SPON1: variants seen among roughly 807,000 people sequenced by gnomAD.
The protein encoded by SPON1 is spondin-1.
Under a neutral mutation model 111.7 loss-of-function variants are expected in SPON1, and 52 were observed. The observed-to-expected ratio is 0.47, with a 90% CI of 0.37 to 0.59. The LOEUF (loss-of-function observed/expected upper bound fraction) is 0.59. Ranked by LOEUF, SPON1 falls within the 20% of genes least tolerant of loss-of-function variation. The probability of loss-of-function intolerance (pLI) is 0.00; values close to 1 mark genes in which losing one functional copy is unlikely to be tolerated. For synonymous variants in SPON1, 410 were observed against 395.8 expected, an observed-to-expected ratio of 1.04 and a Z score of -0.43; for missense variants, 957 against 1,068.5, an observed-to-expected ratio of 0.90 and a Z score of 1.46.
intron 2 of SPON1, among the ~76,000 whole-genome samples, chr11:14,001,230 T>G (rs889961913): frequency 6.6e-6 from 1 of 152,188 alleles, no homozygotes; most frequent in Non-Finnish European, 1.5e-5. Context: ...AGCTACAGGC[T>G]GAGTGTAGAC....
At chr11:14,234,292 C>A (rs946695157) in intron 6 of SPON1, among the ~76,000 whole-genome samples, 27 of 152,266 alleles carry the variant, frequency 1.8e-4, no homozygotes, top group African/African-American at 5.8e-4. Flanking sequence ...CTGCTGTGGC[C>A]CCCTTTTCCC....
chr11:14,182,832 A>C (rs1437905107), intron 6 of SPON1, among the ~76,000 whole-genome samples: 1 of 152,192 alleles, frequency 6.6e-6, no homozygotes, highest in Non-Finnish European at 1.5e-5. Context: ...GCCATGAAGG[A>C]TGTTGTTTCA....
At chr11:14,213,021 G>C (rs1848591106) in intron 6 of SPON1, among the ~76,000 whole-genome samples, 1 of 152,194 alleles carries the variant, frequency 6.6e-6, no homozygotes, top group Non-Finnish European at 1.5e-5. Context: ...GCTTGGGAGA[G>C]ACTCTTTTAA....
intron 1 of SPON1, among the ~76,000 whole-genome samples, chr11:13,963,769 T>C (rs969228948): frequency 6.6e-5 from 10 of 152,136 alleles, no homozygotes; most frequent in African/African-American, 2.2e-4. Flanking sequence ...AATTATTCTC[T>C]CGTGGTCCCA....
chr11:14,108,504 G>A (rs1336310820), intron 5 of SPON1, among the ~76,000 whole-genome samples: 1 of 152,042 alleles, frequency 6.6e-6, no homozygotes, highest in African/African-American at 2.4e-5. Flanking sequence ...CAAGTTCCAG[G>A]TATATTTTGT....
chr11:13,987,033 T>A (rs562596417), intron 2 of SPON1, among the ~76,000 whole-genome samples: 2 of 152,266 alleles, frequency 1.3e-5, no homozygotes, highest in Non-Finnish European at 2.9e-5. Flanking sequence ...TATGTGTGTA[T>A]GTGTCCTTAT....
At chr11:14,227,142 C>T (rs1848749591) in intron 6 of SPON1, among the ~76,000 whole-genome samples, 2 of 152,132 alleles carry the variant, frequency 1.3e-5, no homozygotes, top group Non-Finnish European at 2.9e-5. Flanking sequence ...CTCAGCTTAC[C>T]ATGGCAATAT....
intron 6 of SPON1, among the ~76,000 whole-genome samples, chr11:14,148,353 A>G (rs1469792670): frequency 2.6e-5 from 4 of 152,054 alleles, no homozygotes; most frequent in African/African-American, 9.7e-5. Context: ...TGGGGTGGAG[A>G]GTTAAGAGAT....
At chr11:14,182,629 A>G (rs1445324121) in intron 6 of SPON1, among the ~76,000 whole-genome samples, 2 of 152,186 alleles carry the variant, frequency 1.3e-5, no homozygotes, top group Admixed American at 6.5e-5. Flanking sequence ...CTGAAGAGGC[A>G]AATGGGAGCT....
chr11:14,079,341 A>G (rs2697832), intron 4 of SPON1, among the ~76,000 whole-genome samples: 114,816 of 152,122 alleles, frequency 0.75, 45,016 homozygotes, highest in East Asian at 1. Context: ...CTCTGAAAGC[A>G]TGATAAGAAG....
At chr11:14,254,021 T>C (rs1327793682) in intron 7 of SPON1, among the ~76,000 whole-genome samples, 1 of 152,178 alleles carries the variant, frequency 6.6e-6, no homozygotes, top group Non-Finnish European at 1.5e-5. Flanking sequence ...TCCCAGCAAC[T>C]GGGGGTGTCG....
At chr11:14,111,429 T>G (rs1554925450) in intron 5 of SPON1, among the ~76,000 whole-genome samples, 1 of 152,234 alleles carries the variant, frequency 6.6e-6, no homozygotes, top group African/African-American at 2.4e-5. Context: ...GAATACATGT[T>G]ACTCAACGAA....
At chr11:14,078,836 C>T (rs553283716) in intron 4 of SPON1, among the ~76,000 whole-genome samples, 1 of 152,282 alleles carries the variant, frequency 6.6e-6, no homozygotes, top group East Asian at 1.9e-4. Flanking sequence ...TTCATCTCCA[C>T]CCTAGAACCT....
chr11:14,027,284 C>G (rs1053919326), intron 2 of SPON1, among the ~76,000 whole-genome samples: 2 of 152,208 alleles, frequency 1.3e-5, no homozygotes, highest in Admixed American at 6.5e-5. Flanking sequence ...ATTCCAAGCC[C>G]TCTTGGGGCA....
intron 5 of SPON1, among the ~76,000 whole-genome samples, chr11:14,128,936 A>G (rs1270842341): frequency 1.3e-5 from 2 of 152,228 alleles, no homozygotes; most frequent in African/African-American, 4.8e-5. Context: ...CCTTTTAGCC[A>G]TGGCTGGAGC....
At chr11:14,264,326 C>G (rs1049726995) in intron 15 of SPON1, among the ~76,000 whole-genome samples, 1 of 152,170 alleles carries the variant, frequency 6.6e-6, no homozygotes, top group Non-Finnish European at 1.5e-5. Context: ...CAAACAGACA[C>G]AGAGGCCAGA....
chr11:14,026,626 C>A (rs1410410771), intron 2 of SPON1, among the ~76,000 whole-genome samples: 3 of 152,124 alleles, frequency 2.0e-5, no homozygotes, highest in African/African-American at 4.8e-5. Context: ...ATGCCGATGT[C>A]TGCTGACTTA....
At position 14,262,888 on chromosome 11, in the gene SPON1, T is replaced by G. The variant is rs755643180; in HGVS notation, c.2173T>G (p.Ser725Ala). 6.2e-7 allele frequency: 1 copy of G among 1,613,776 alleles called. No individual in the cohort carries two copies. The highest frequency in any genetic ancestry group is 8.5e-7 in the Non-Finnish European group (1 of 1,179,870). The change falls in exon 15 of 16, where the codon TCC becomes GCC. Residue 725 changes from serine to alanine, a missense_variant. Around this residue, in one of 5 missense-constraint regions of SPON1, gnomAD observed 549 missense variants for 606.2 expected, o/e 0.91. Transcript: ENST00000576479. ...CRIRKCLRNPSIQKLRWREAR... is the reference protein window; with the variant it reads ...CRIRKCLRNPAIQKLRWREAR... ...CATCCGAAAATGCCTTCGAAATCCA[T>G]CCATCCAAAAGCTACGCTGGAGGGA... is the stretch of plus-strand genomic sequence containing the variant.
chr11:14,215,766 T>G (rs1848619615), intron 6 of SPON1, among the ~76,000 whole-genome samples: 2 of 152,244 alleles, frequency 1.3e-5, no homozygotes, highest in African/African-American at 4.8e-5. Context: ...GATAGAAGTA[T>G]ATTTCCCCTT....
Sources: allele counts gnomAD v4.1 joint callset (sites outside exome capture counted in the v4.1 genomes callset), GRCh38; gene constraint gnomAD v4.1.1; regional missense constraint gnomAD v4.1.1; transcripts MANE v1.5; gene names NCBI Gene and HGNC (gene_info 2026-07-23, HGNC 2026-07-21).